CCND3: variants seen among roughly 807,000 people sequenced by gnomAD.
CCND3 encodes cyclin D3.
Under a neutral mutation model 28.7 loss-of-function variants are expected in CCND3, and 9 were observed. The ratio of observed to expected loss-of-function variants is 0.31; its 90% confidence interval spans 0.19 to 0.55. The LOEUF is 0.55. Among genes scored for constraint, CCND3 ranks in the 20% least tolerant of loss-of-function variants. The pLI is 0.93. For synonymous variants in CCND3, 164 were observed against 163.9 expected (o/e 1.00, Z 0.00); for missense variants, 315 against 385.8 (o/e 0.82, Z 1.54).
intron 1 of CCND3, among the ~76,000 whole-genome samples, chr6:41,994,359 T>A (rs1172152688): frequency 6.6e-6 from 1 of 152,116 alleles, no homozygotes; most frequent in African/African-American, 2.4e-5. Context: ...ACAACTCGTT[T>A]ATCAGAACAT....
intron 1 of CCND3, among the ~76,000 whole-genome samples, chr6:41,992,621 G>T (rs1239540244): frequency 6.6e-6 from 1 of 151,890 alleles, no homozygotes; most frequent in Non-Finnish European, 1.5e-5. Flanking sequence ...GCTAATTTTT[G>T]TATTTTTAGT....
chr6:42,013,964 AG>A (rs1561987123), intron 1 of CCND3, among the ~76,000 whole-genome samples: 5 of 150,726 alleles, frequency 3.3e-5, no homozygotes, highest in Non-Finnish European at 5.9e-5. Context: ...CCCAGCTACC[AG>A]GGAGGCTGAG....
chr6:42,014,831 CATTTT>C (rs1463860030), intron 1 of CCND3, among the ~76,000 whole-genome samples: 1 of 152,162 alleles, frequency 6.6e-6, no homozygotes, highest in Non-Finnish European at 1.5e-5. Flanking sequence ...GGTTCATTTT[CATTTT>C]ATTCATTATA....
chr6:41,956,053 G>A (rs1776427694), intron 1 of CCND3, among the ~76,000 whole-genome samples: 1 of 152,184 alleles, frequency 6.6e-6, no homozygotes, highest in Non-Finnish European at 1.5e-5. Context: ...CAGCATTTTG[G>A]AAGGCGGAGG....
intron 1 of CCND3, chr6:42,031,147 A>G (rs779727499): frequency 5.3e-5 from 8 of 152,182 alleles, no homozygotes; most frequent in Non-Finnish European, 1.0e-4. Flanking sequence ...TGGCCACCTT[A>G]GTTCCCCGCT....
intron 1 of CCND3, among the ~76,000 whole-genome samples, chr6:41,958,540 C>A (rs1449935392): frequency 6.6e-6 from 1 of 152,090 alleles, no homozygotes. Flanking sequence ...TAAAACAGTT[C>A]TTTTCTCTTA....
chr6:41,963,235 C>A (rs535953768), intron 1 of CCND3, among the ~76,000 whole-genome samples: 1 of 152,202 alleles, frequency 6.6e-6, no homozygotes, highest in African/African-American at 2.4e-5. Flanking sequence ...TCTTGAAATG[C>A]TCCATGTCCT....
At chr6:41,993,576 A>G (rs1762715495) in intron 1 of CCND3, among the ~76,000 whole-genome samples, 1 of 151,520 alleles carries the variant, frequency 6.6e-6, no homozygotes, top group Non-Finnish European at 1.5e-5. Flanking sequence ...ATCCCCAGCT[A>G]ATTTCTGTAT....
intron 1 of CCND3, among the ~76,000 whole-genome samples, chr6:41,950,090 T>TA (rs397697588): frequency 0.039 from 5,449 of 138,696 alleles, 188 homozygotes; most frequent in African/African-American, 0.089. Context: ...AGAGCAAGAT[T>TA]AAAAAAAAAA....
chr6:42,016,929 T>A (rs902281198), intron 1 of CCND3, among the ~76,000 whole-genome samples: 1 of 152,284 alleles, frequency 6.6e-6, no homozygotes. Flanking sequence ...AACTACAACA[T>A]AATGACCTGC....
chr6:42,023,460 A>G (rs1763773354), intron 1 of CCND3, among the ~76,000 whole-genome samples: 1 of 152,214 alleles, frequency 6.6e-6, no homozygotes, highest in Non-Finnish European at 1.5e-5. Flanking sequence ...ACACACAGAA[A>G]ACAAAGTTAT....
Position 41,941,386 on chromosome 6 carries a change from G to A in CCND3, c.198+66C>T, listed in dbSNP as rs1776009651. 1 of 1,574,854 alleles carries A rather than the reference G, an allele frequency of 6.3e-7. No individual in the cohort carries two copies. On this transcript the variant is annotated intron_variant, in intron 1 of 4. Transcript: ENST00000372991. This position sits in a 1 kb window ranked among gnomAD's most constrained non-coding sequence, Gnocchi z 6.1. ...ATTGCTGTGGGGACCGGGATGTCCC[G>A]ACAGGGCGGCCCCGGTGTGTCCAGA...
chr6:42,035,746 C>T (rs368960134), intron 1 of CCND3, among the ~76,000 whole-genome samples: 51 of 149,676 alleles, frequency 3.4e-4, no homozygotes, highest in African/African-American at 1.2e-3. Flanking sequence ...AGCGCGATCT[C>T]GGCTCACTGC....
chr6:41,959,037 G>A (rs1272401438), intron 1 of CCND3, among the ~76,000 whole-genome samples: 2 of 151,996 alleles, frequency 1.3e-5, no homozygotes, highest in Non-Finnish European at 2.9e-5. Context: ...AGGATCGGCC[G>A]GGCACGGTGG....
At chr6:41,977,637 G>T (rs946440493) in intron 1 of CCND3, among the ~76,000 whole-genome samples, 1 of 152,124 alleles carries the variant, frequency 6.6e-6, no homozygotes, top group East Asian at 1.9e-4. Context: ...AAAGTGTTAG[G>T]ATTACAGGCG....
At chr6:42,049,359 G>T (rs982287219), upstream of CCND3, among the ~76,000 whole-genome samples, 1 of 152,174 alleles carries the variant, frequency 6.6e-6, no homozygotes. Context: ...CTTACTACAC[G>T]TCAGGCACTG....
At chr6:41,978,948 G>T (rs1261976036) in intron 1 of CCND3, among the ~76,000 whole-genome samples, 1 of 151,208 alleles carries the variant, frequency 6.6e-6, no homozygotes, top group African/African-American at 2.4e-5. Flanking sequence ...GAGGTAGGCG[G>T]ATTACCTGAG....
intron 1 of CCND3, among the ~76,000 whole-genome samples, chr6:42,036,651 G>A (rs1004350505): frequency 6.6e-6 from 1 of 151,118 alleles, no homozygotes; most frequent in African/African-American, 2.4e-5. Flanking sequence ...TTATCTGCCC[G>A]CCTTGGCCTC....
At chr6:41,946,692 CA>C (rs1776180454), upstream of CCND3, among the ~76,000 whole-genome samples, 1 of 146,392 alleles carries the variant, frequency 6.8e-6, no homozygotes, top group South Asian at 2.3e-4. Context: ...TCGGTGCTTA[CA>C]GTATTCCAGG....
Sources: gnomAD v4.1 joint callset for allele counts (sites outside exome capture counted in the v4.1 genomes callset) on GRCh38, gnomAD v4.1.1 for gene constraint, Gnocchi (gnomAD v3.1) non-coding constraint, MANE v1.5 for transcripts, NCBI Gene and HGNC (gene_info 2026-07-23, HGNC 2026-07-21) for gene names.